The following EFCAB5 variants were observed in gnomAD, a reference collection of about 807,000 sequenced individuals.
EFCAB5 encodes EF-hand calcium binding domain 5.
Under a neutral mutation model 167.9 loss-of-function variants are expected in EFCAB5, and 131 were observed. That is an observed-to-expected ratio of 0.78 (90% CI 0.68 to 0.90). The LOEUF (loss-of-function observed/expected upper bound fraction) is 0.90, where lower values mean the gene tolerates loss of function less well. EFCAB5 is among the 40% of genes least tolerant of loss of function. The pLI is 0.00. For missense variants in EFCAB5, 1,663 were observed against 1,745.2 expected (o/e 0.95, Z 0.84); for synonymous variants, 574 against 602.8 (o/e 0.95, Z 0.70).
rs529954189 is a variant in EFCAB5 at position 30,108,109 on chromosome 17, T to C, written c.*85T>C. The C allele has an allele frequency of 8.4e-4, 1,200 of 1,425,072 alleles. 1 individual carries two copies. Among genetic ancestry groups the C allele is most frequent in the Non-Finnish European group, 1.1e-3 (1,130 of 1,055,452 alleles). 88.3% of individuals were successfully genotyped at this position (1,425,072 alleles called of 1,614,324 possible). On this transcript the variant is annotated 3_prime_UTR_variant, in exon 23 of 23. Transcript: ENST00000394835. ...TTTGTTAACTATAAAATATTTTCCA[T>C]TGGAAAGGGGTACCTATAAATGTCT... is the stretch of plus-strand genomic sequence containing the variant.
chr17:29,999,718 C>A (rs1376866585), intron 6 of EFCAB5, among the ~76,000 whole-genome samples, 188 bp from the exon 7 acceptor site: 2 of 151,866 alleles, frequency 1.3e-5, no homozygotes, highest in Non-Finnish European at 2.9e-5. Flanking sequence ...TTTGCTTGCT[C>A]AGCCAGGAAA....
rs1383055624 is a variant in EFCAB5, at chr17:29,930,042, T to A, written c.-127+713T>A. 4 of 1,345,920 alleles carry A rather than the reference T, an allele frequency of 3.0e-6. No individual in the cohort carries two copies. In the Admixed American group the frequency reaches 9.9e-5, roughly 33 times the overall value. The allele number at this position is 1,345,920 out of a possible 1,614,324, so 83.4% of individuals were successfully genotyped here. On this transcript the variant is annotated intron_variant, in intron 1 of 3. Transcript: ENST00000448319. ...TGTTCCGGGCAGGGCATTCTTGTCC[T>A]GAGTGTGGGGGACGGGAGGGTGACG...
intron 22 of EFCAB5, among the ~76,000 whole-genome samples, chr17:30,101,285 T>C (rs866128163): frequency 1.8e-4 from 28 of 152,304 alleles, no homozygotes; most frequent in Middle Eastern, 3.4e-3. Context: ...AGAGGAGTTG[T>C]TGCAGGAATC....
rs567961993 is a variant in EFCAB5, at chr17:30,098,123, T to TG, written c.4321+5192dup. ...CTAATTTTTTTATTTTTTGTAGAGG[T>TG]GGGGGTCTCACTATATTACCAGGCT... On this transcript the variant is annotated intron_variant, in intron 22 of 22. Coordinates refer to ENST00000394835, the MANE Select transcript of EFCAB5 (RefSeq NM_198529.4). 4.1e-3 allele frequency among the ~76,000 whole-genome samples: 628 copies of TG among 151,918 alleles called. 4 individuals carry two copies. Among genetic ancestry groups the TG allele is most frequent in the African/African-American group, 0.014 (578 of 41,478 alleles).
intron 7 of EFCAB5, among the ~76,000 whole-genome samples, chr17:30,016,042 A>G (rs1295647798): frequency 6.6e-6 from 1 of 152,122 alleles, no homozygotes. Context: ...CTTTGGAAAA[A>G]AATGTTTATT....
chr17:30,084,990 G>A (rs1198327605), intron 18 of EFCAB5, among the ~76,000 whole-genome samples: 4 of 150,804 alleles, frequency 2.7e-5, no homozygotes, highest in East Asian at 2.0e-4. Flanking sequence ...CCCCGTCCCC[G>A]CCCCCTCTCC....
chr17:30,104,047 C>A (rs879451926), intron 22 of EFCAB5, among the ~76,000 whole-genome samples: 2 of 152,146 alleles, frequency 1.3e-5, no homozygotes, highest in Admixed American at 6.5e-5. Flanking sequence ...TACACATACC[C>A]TTCTATTGCT....
At chr17:29,946,660 G>A (rs1299906548) in intron 3 of EFCAB5, among the ~76,000 whole-genome samples, 15 of 151,674 alleles carry the variant, frequency 9.9e-5, no homozygotes, top group African/African-American at 7.3e-5. Context: ...GGATGGTCTC[G>A]ATCTCCTGAC....
At chr17:30,026,815 A>G (rs1022124962) in intron 7 of EFCAB5, among the ~76,000 whole-genome samples, 1 of 151,596 alleles carries the variant, frequency 6.6e-6, no homozygotes, top group African/African-American at 2.4e-5. Context: ...ACCTCAAGTG[A>G]TCCTCCTACT....
intron 22 of EFCAB5, among the ~76,000 whole-genome samples, chr17:30,107,603 A>T (rs548182157): frequency 2.1e-4 from 32 of 152,196 alleles, no homozygotes; most frequent in Non-Finnish European, 4.1e-4. Context: ...TTTGAGATTT[A>T]TTCATGAATA....
chr17:30,080,640 C>T, intron 16 of EFCAB5, 113 bp from the exon 17 acceptor site: 1 of 786,486 alleles, frequency 1.3e-6, no homozygotes, highest in Admixed American at 2.8e-5. Flanking sequence ...GAGTCCACTG[C>T]TCGGTCATAT....
chr17:30,015,564 A>G (rs1057034378), intron 7 of EFCAB5, among the ~76,000 whole-genome samples: 13 of 152,170 alleles, frequency 8.5e-5, no homozygotes, highest in African/African-American at 2.7e-4. Flanking sequence ...ACCATTTTAC[A>G]TTCCCACCAG....
intron 4 of EFCAB5, among the ~76,000 whole-genome samples, chr17:29,990,029 C>A (rs2068377914): frequency 6.6e-6 from 1 of 152,154 alleles, no homozygotes; most frequent in Non-Finnish European, 1.5e-5. Context: ...GGAATTAGAA[C>A]TTGTGCTCCC....
At chr17:30,079,001 G>A (rs568762375) in intron 15 of EFCAB5, among the ~76,000 whole-genome samples, 1 of 152,174 alleles carries the variant, frequency 6.6e-6, no homozygotes, top group South Asian at 2.1e-4. Flanking sequence ...CACTTAGAAC[G>A]CATGGCCCTG....
intron 3 of EFCAB5, among the ~76,000 whole-genome samples, chr17:29,947,172 CAAA>C (rs71278523): frequency 6.0e-5 from 4 of 66,828 alleles, no homozygotes; most frequent in Non-Finnish European, 9.1e-5. Context: ...GACTCCATCT[CAAA>C]AAAAAAAAAA....
chr17:29,955,403 T>C (rs1053028349), intron 3 of EFCAB5, among the ~76,000 whole-genome samples: 3 of 152,132 alleles, frequency 2.0e-5, no homozygotes, highest in African/African-American at 7.2e-5. Context: ...ATCTGATGGT[T>C]TTATAAAGGG....
chr17:29,985,897 C>T (rs574200497), intron 4 of EFCAB5, among the ~76,000 whole-genome samples: 1 of 152,252 alleles, frequency 6.6e-6, no homozygotes, highest in East Asian at 1.9e-4. Context: ...CAACATGTTC[C>T]CCATTTTTGT....
At chr17:29,973,688 G>A (rs568435918) in intron 4 of EFCAB5, among the ~76,000 whole-genome samples, 6 of 151,326 alleles carry the variant, frequency 4.0e-5, no homozygotes, top group African/African-American at 1.5e-4. Flanking sequence ...ATATTGGCCA[G>A]GCTGATCTTG....
intron 19 of EFCAB5, 146 bp downstream of exon 19, chr17:30,087,312 C>A: frequency 1.6e-6 from 1 of 631,918 alleles, no homozygotes; most frequent in East Asian, 3.1e-5. Flanking sequence ...ATTTTAAGTT[C>A]TGTGATACAT....
Sources: allele counts gnomAD v4.1 joint callset (sites outside exome capture counted in the v4.1 genomes callset), GRCh38; gene constraint gnomAD v4.1.1; transcripts MANE v1.5; gene names NCBI Gene and HGNC (gene_info 2026-07-23, HGNC 2026-07-21).